Variants in SLC41A3 observed in about 807,000 individuals in gnomAD.
SLC41A3 encodes solute carrier family 41 member 3.
SLC41A3 carries 44 observed loss-of-function variants against 45.4 expected under a neutral mutation model. The observed-to-expected ratio is 0.97, with a 90% CI of 0.76 to 1.25. SLC41A3 has a LOEUF of 1.25. SLC41A3 is among the 50% of genes most tolerant of loss of function. SLC41A3 has a pLI of 0.00. For missense variants in SLC41A3, 550 were observed against 600.6 expected, an observed-to-expected ratio of 0.92 and a Z score of 0.88; for synonymous variants, 256 against 252.4, an observed-to-expected ratio of 1.01 and a Z score of -0.13.
chr3:126,089,797 T>C (rs1201956681), intron 1 of SLC41A3, among the ~76,000 whole-genome samples: 1 of 152,164 alleles, frequency 6.6e-6, no homozygotes, highest in Non-Finnish European at 1.5e-5. Context: ...AGTTCCATAA[T>C]AAAATAAAAA....
rs531031997 is a variant in SLC41A3, at chr3:126,056,842, T to C, written c.274-5792A>G. The C allele has an allele frequency of 1.1e-5, 13 of 1,228,772 alleles. No homozygotes were observed. The South Asian group carries it at 2.8e-4, about 27-fold the overall frequency. 76.1% of individuals were successfully genotyped at this position (1,228,772 alleles called of 1,614,324 possible). On this transcript the variant is annotated intron_variant, in intron 2 of 10. Coordinates refer to ENST00000360370, the MANE Select transcript of SLC41A3 (RefSeq NM_017836.4). Reference sequence around the variant, plus strand: ...GGTCAGGCTCTCCTCAGACAGTGGCTGTGTGTCCGCCGGGACCTCCCTCTG... The same window carrying C: ...GGTCAGGCTCTCCTCAGACAGTGGCCGTGTGTCCGCCGGGACCTCCCTCTG...
In SLC41A3 at chr3:126,008,799, A is replaced by G. The variant is rs1420605904; in HGVS notation, c.1187T>C (p.Val396Ala). The change falls in exon 10 of 11, where the codon GTG becomes GCG. Residue 396 changes from valine to alanine, a missense_variant. By Grantham distance (64) the Val-to-Ala change is moderately conservative. Transcript: ENST00000360370. ...GCTGTTTATGACTGACTGACCCTCC[A>G]CCAGGTAGATGATGTAGAAGAAAAT... is the stretch of plus-strand genomic sequence containing the variant. ...HLIFFYIIYL[V>A]EGQSVINSQT... The G allele has an allele frequency of 6.2e-7, 1 of 1,614,152 alleles. No homozygotes were observed. Among genetic ancestry groups the G allele is most frequent in the Non-Finnish European group, 8.5e-7 (1 of 1,180,006 alleles).
chr3:126,016,983 T>A, intron 6 of SLC41A3, 108 bp from the exon 7 acceptor site: 4 of 1,344,038 alleles, frequency 3.0e-6, no homozygotes, highest in African/African-American at 1.5e-5. Context: ...CCTGTCCTCA[T>A]CAGTTGAGGG....
rs1576331901 is a variant in SLC41A3 at position 126,059,313 on chromosome 3, A to AAGAAAGAAAGAAAGAAAGGAT, written c.274-8264_274-8263insATCCTTTCTTTCTTTCTTTCT. 2.2e-5 allele frequency among the ~76,000 whole-genome samples: 3 copies of AAGAAAGAAAGAAAGAAAGGAT among 135,578 alleles called. No homozygotes were observed. In the East Asian group the frequency reaches 6.1e-4, roughly 28 times the overall value. 88.9% of individuals were successfully genotyped at this position (135,578 alleles called of 152,430 possible). ...AAGAAAGAAAGAAAGAAAGAAAGGA[A>AAGAAAGAAAGAAAGAAAGGAT]GGATGATCTGTGATAAGTGCTCTGA... On this transcript the variant is annotated intron_variant, in intron 2 of 10. Coordinates refer to ENST00000360370, the MANE Select transcript of SLC41A3 (RefSeq NM_017836.4).
At chr3:126,085,208 A>G (rs1945352859), upstream of SLC41A3, among the ~76,000 whole-genome samples, 1 of 152,236 alleles carries the variant, frequency 6.6e-6, no homozygotes, top group Admixed American at 6.5e-5. Flanking sequence ...AAATGAACTT[A>G]ACTTGAAGTC....
At chr3:126,067,101 G>A (rs56271731) in intron 2 of SLC41A3, among the ~76,000 whole-genome samples, 31,852 of 80,150 alleles carry the variant, frequency 0.4, 4,628 homozygotes, top group Middle Eastern at 0.48. Flanking sequence ...CCGCCCCCCC[G>A]CCCCCCGCCC....
At chr3:126,058,076 T>C (rs1943786080) in intron 2 of SLC41A3, 1 of 152,326 alleles carries the variant, frequency 6.6e-6, no homozygotes, top group African/African-American at 2.4e-5. Context: ...AGAGGCCGTA[T>C]GCCAGGGTCC....
chr3:126,068,040 C>A lies in SLC41A3; in HGVS notation c.180G>T (p.Glu60Asp). Reference protein sequence around the residue: ...PKPLETEPSRETTWSIGLQVT... With the variant: ...PKPLETEPSRDTTWSIGLQVT... ...CCTGAAGGCCTATGGACCAGGTGGTCTCCCTGCTAGGCTCAGTCTCCAGTG... is the reference window on the plus strand; with the variant it reads ...CCTGAAGGCCTATGGACCAGGTGGTATCCCTGCTAGGCTCAGTCTCCAGTG... The change falls in exon 2 of 11, where the codon GAG (glutamate) becomes GAT (aspartate). Residue 60 changes from glutamate to aspartate, a missense_variant. By Grantham distance (45) the Glu-to-Asp change is conservative. Coordinates refer to ENST00000360370, the MANE Select transcript of SLC41A3 (RefSeq NM_017836.4). The A allele has an allele frequency of 6.2e-7, 1 of 1,613,972 alleles. No individual in the cohort carries two copies. The highest frequency in any genetic ancestry group is 1.1e-5 in the South Asian group (1 of 91,060).
chr3:126,094,422 T>C (rs1945553711), intron 1 of SLC41A3, among the ~76,000 whole-genome samples: 2 of 152,182 alleles, frequency 1.3e-5, no homozygotes, highest in Non-Finnish European at 1.5e-5. Flanking sequence ...AATTAGGAAA[T>C]GGGCACATAG....
intron 8 of SLC41A3, among the ~76,000 whole-genome samples, chr3:126,014,393 T>C (rs192915629): frequency 6.6e-6 from 1 of 152,324 alleles, no homozygotes; most frequent in Admixed American, 6.5e-5. Context: ...AGGCAACTAC[T>C]GGCTGGAGCT....
intron 1 of SLC41A3, among the ~76,000 whole-genome samples, chr3:126,083,678 G>T (rs938275685): frequency 6.6e-6 from 1 of 152,004 alleles, no homozygotes; most frequent in Admixed American, 6.5e-5. Flanking sequence ...CCCTGAGCAG[G>T]CCAGGAAGGA....
intron 2 of SLC41A3, among the ~76,000 whole-genome samples, chr3:126,059,232 AG>A (rs1943864412): frequency 7.7e-5 from 1 of 12,946 alleles, no homozygotes; most frequent in Non-Finnish European, 1.7e-4. Flanking sequence ...AAAGAAAGAA[AG>A]AGAAAGAAAG....
rs72977472 is a variant in SLC41A3 at position 126,008,635 on chromosome 3, C to T, written c.1254+97G>A. On this transcript the variant is annotated intron_variant, in intron 10 of 10. Transcript: ENST00000360370. ...GACTGTGCCCCACACGTCCAGCCACCCCCACCCGCCTCCCTCAGCCTCTCA... is the reference window on the plus strand; with the variant it reads ...GACTGTGCCCCACACGTCCAGCCACTCCCACCCGCCTCCCTCAGCCTCTCA... The T allele has an allele frequency of 1.2e-3, 1,815 of 1,554,470 alleles. 15 individuals carry two copies. In the African/African-American group the frequency reaches 0.022, roughly 19 times the overall value.
intron 2 of SLC41A3, chr3:126,056,902 C>A (rs1268783999): frequency 2.1e-5 from 24 of 1,120,830 alleles, no homozygotes; most frequent in Admixed American, 8.3e-5. Flanking sequence ...TCCCTCTGCA[C>A]CGGCCTTGAC....
In SLC41A3 at chr3:126,008,883, G is replaced by A. The variant is rs1395854963; in HGVS notation, c.1106-3C>T. The A allele has an allele frequency of 1.5e-5, 24 of 1,613,802 alleles. No individual in the cohort carries two copies. The highest frequency in any genetic ancestry group is 2.0e-5 in the Non-Finnish European group (24 of 1,179,736). Reference sequence around the variant, plus strand: ...TCGAGCTGACATGGAATTGATTTCTGAAAGAAACAGAACCAAGAAGGTCAT... The same window carrying A: ...TCGAGCTGACATGGAATTGATTTCTAAAAGAAACAGAACCAAGAAGGTCAT... On this transcript the variant is annotated splice_polypyrimidine_tract_variant and splice_region_variant and intron_variant, in intron 9 of 10. Transcript: ENST00000360370.
intron 2 of SLC41A3, among the ~76,000 whole-genome samples, chr3:126,053,415 C>G (rs748740184): frequency 6.6e-5 from 10 of 152,192 alleles, no homozygotes; most frequent in Non-Finnish European, 1.2e-4. Flanking sequence ...TTTAAGCTAC[C>G]TCCTCTGTGG....
At chr3:126,092,865 G>C (rs6438970) in intron 1 of SLC41A3, 92,638 of 152,038 alleles carry the variant, frequency 0.61, 28,669 homozygotes, top group African/African-American at 0.71. Flanking sequence ...TACAGAGCAG[G>C]TTTGTTTGCC....
chr3:126,006,407 CTAAA>C lies in SLC41A3; in HGVS notation c.*605_*608del. ...TTTACACTTCTCTGATTATTGAAAT[CTAAA>C]TAGAGGTTTTTGCTAACAAACAAAA... On this transcript the variant is annotated 3_prime_UTR_variant, in exon 11 of 11. Transcript: ENST00000360370. 1 of 1,609,310 alleles carries C rather than the reference CTAAA, an allele frequency of 6.2e-7. No individual in the cohort carries two copies. Among genetic ancestry groups the C allele is most frequent in the Non-Finnish European group, 8.5e-7 (1 of 1,178,352 alleles).
chr3:126,020,481 A>C (rs1216308278), intron 6 of SLC41A3, among the ~76,000 whole-genome samples: 1 of 152,204 alleles, frequency 6.6e-6, no homozygotes, highest in African/African-American at 2.4e-5. Context: ...GGCCAGGCTA[A>C]AAATTTTCCC....
Sources: gnomAD v4.1 joint callset for allele counts (sites outside exome capture counted in the v4.1 genomes callset) on GRCh38, gnomAD v4.1.1 for gene constraint, MANE v1.5 for transcripts, NCBI Gene and HGNC (gene_info 2026-07-23, HGNC 2026-07-21) for gene names.